The following C5orf52 variants were observed in gnomAD, a reference collection of about 807,000 sequenced individuals.
The protein encoded by C5orf52 is uncharacterized protein C5orf52.
A neutral mutation model predicts 16.8 loss-of-function variants in C5orf52; 15 were observed. The observed-to-expected ratio is 0.89, with a 90% CI of 0.60 to 1.38. C5orf52 has a LOEUF of 1.38. C5orf52 is among the 40% of genes most tolerant of loss of function. C5orf52 has a pLI of 0.00. For missense variants in C5orf52, 206 were observed against 213.1 expected (o/e 0.97, Z 0.21); for synonymous variants, 83 against 87.2 (o/e 0.95, Z 0.27).
Position 157,680,002 on chromosome 5 carries a change from T to A in C5orf52, c.*3T>A. The A allele has an allele frequency of 1.3e-6, 2 of 1,550,472 alleles. No homozygotes were observed. Among genetic ancestry groups the A allele is most frequent in the Non-Finnish European group, 8.7e-7 (1 of 1,146,646 alleles). On this transcript the variant is annotated 3_prime_UTR_variant, in exon 3 of 3. Transcript: ENST00000409999. ...TCGGGATACCACCACCAGTTTAAAC[T>A]CCAGTCTCCCAAGAAAGGCCAACCA...
Position 157,675,175 on chromosome 5 carries a change from T to A in C5orf52, c.296T>A (p.Ile99Asn). The change falls in exon 2 of 3, where the codon ATC becomes AAC. Residue 99 changes from isoleucine to asparagine, a missense_variant. Physicochemically the swap from Ile to Asn is moderately radical, Grantham distance 149. Transcript: ENST00000409999. ...LSRVIIHDNR[I>N]TQRIYEMEVS... ...CGGGTGATTATTCATGATAACCGCA[T>A]CACACAACGAATCTATGAGATGGAG... is the stretch of plus-strand genomic sequence containing the variant. 6.4e-7 allele frequency: 1 copy of A among 1,550,564 alleles called. No individual in the cohort carries two copies. The highest frequency in any genetic ancestry group is 8.7e-7 in the Non-Finnish European group (1 of 1,145,972).
chr5:157,671,337 C>T (rs903147756), upstream of C5orf52: 3 of 490,244 alleles, frequency 6.1e-6, no homozygotes, highest in Non-Finnish European at 1.1e-5. Flanking sequence ...CACCGCACCC[C>T]ACTTCTTCCA....
Position 157,675,001 on chromosome 5 carries a change from C to G in C5orf52, c.213-91C>G, listed in dbSNP as rs578020334. ...ACTTGTCCCAAGAAACCCGGGGAAG[C>G]CTCAGCCACTCCCTCAGGACCCCAT... is the stretch of plus-strand genomic sequence containing the variant. On this transcript the variant is annotated intron_variant, in intron 1 of 2. Coordinates refer to ENST00000409999, the MANE Select transcript of C5orf52 (RefSeq NM_001145132.2). 32 of 740,916 alleles carry G rather than the reference C, an allele frequency of 4.3e-5. 1 individual carries two copies. The South Asian group carries it at 5.6e-4, about 13-fold the overall frequency. The allele number at this position is 740,916 out of a possible 1,614,324, so 45.9% of individuals were successfully genotyped here. A position where few individuals can be genotyped will look rare whatever the true frequency, so the allele number is the denominator to read the frequency against.
In C5orf52 at chr5:157,671,565, C is replaced by G. The variant is rs1759790404; in HGVS notation, c.-50C>G. 6.8e-7 allele frequency: 1 copy of G among 1,480,982 alleles called. No homozygotes were observed. Among genetic ancestry groups the G allele is most frequent in the African/African-American group, 1.4e-5 (1 of 71,210 alleles). 91.7% of individuals were successfully genotyped at this position (1,480,982 alleles called of 1,614,324 possible). A position where few individuals can be genotyped will look rare whatever the true frequency, so the allele number is the denominator to read the frequency against. Reference sequence around the variant, plus strand: ...GTCAGCGCGCGCCCACCTAGGTGGGCTGGCAACCAGCCACCAGTTTCCAAC... The same window carrying G: ...GTCAGCGCGCGCCCACCTAGGTGGGGTGGCAACCAGCCACCAGTTTCCAAC... On this transcript the variant is annotated 5_prime_UTR_variant, in exon 1 of 3. Coordinates refer to ENST00000409999, the MANE Select transcript of C5orf52 (RefSeq NM_001145132.2).
intron 1 of C5orf52, among the ~76,000 whole-genome samples, chr5:157,672,868 C>A (rs1025746602): frequency 1.1e-4 from 16 of 151,912 alleles, no homozygotes; most frequent in Non-Finnish European, 2.1e-4. Flanking sequence ...GTTGGCCAGT[C>A]TGGTCTGGAA....
intron 1 of C5orf52, among the ~76,000 whole-genome samples, chr5:157,674,164 G>C (rs1395248402): frequency 6.6e-6 from 1 of 151,120 alleles, no homozygotes; most frequent in Admixed American, 6.6e-5. Context: ...TCACCTTTCA[G>C]AGTCTCCTAA....
At chr5:157,671,325 C>T (rs1265886979), upstream of C5orf52, 1 of 467,410 alleles carries the variant, frequency 2.1e-6, no homozygotes, top group Non-Finnish European at 3.8e-6. Context: ...GTCTGCTCAG[C>T]TCACCGCACC....
At chr5:157,675,326 C>G in intron 2 of C5orf52, 126 bp downstream of exon 2, 1 of 612,800 alleles carries the variant, frequency 1.6e-6, no homozygotes, top group South Asian at 2.3e-5. Flanking sequence ...TAAGGCAGGC[C>G]CCATTTTACA....
rs1049683255 is a variant in C5orf52 at position 157,671,545 on chromosome 5, C to A, written c.-70C>A. On this transcript the variant is annotated 5_prime_UTR_variant, in exon 1 of 3. Coordinates refer to ENST00000409999, the MANE Select transcript of C5orf52 (RefSeq NM_001145132.2). ...CGCCCAGGGACTCACTCCGCGTCAG[C>A]GCGCGCCCACCTAGGTGGGCTGGCA... 2.2e-6 allele frequency: 3 copies of A among 1,345,476 alleles called. No individual in the cohort carries two copies. The highest frequency in any genetic ancestry group is 2.4e-5 in the Admixed American group (1 of 41,800). The allele number at this position is 1,345,476 out of a possible 1,614,324, so 83.3% of individuals were successfully genotyped here. A position where few individuals can be genotyped will look rare whatever the true frequency, so the allele number is the denominator to read the frequency against.
upstream of C5orf52, among the ~76,000 whole-genome samples, chr5:157,670,973 C>T (rs1407607222): frequency 6.6e-6 from 1 of 152,184 alleles, no homozygotes; most frequent in Non-Finnish European, 1.5e-5. Flanking sequence ...TAGGGGTGGG[C>T]CAGGTAGGTT....
At chr5:157,674,537 G>A (rs1759860201) in intron 1 of C5orf52, among the ~76,000 whole-genome samples, 1 of 152,204 alleles carries the variant, frequency 6.6e-6, no homozygotes, top group South Asian at 2.1e-4. Flanking sequence ...GGAGGCTGAG[G>A]TGGGTGTATC....
At chr5:157,677,028 G>A (rs1035580602) in intron 2 of C5orf52, among the ~76,000 whole-genome samples, 3 of 151,746 alleles carry the variant, frequency 2.0e-5, no homozygotes, top group Non-Finnish European at 4.4e-5. Flanking sequence ...GCCATCATGC[G>A]CAGCTAATGT....
Position 157,680,029 on chromosome 5 carries a change from C to T in C5orf52, c.*30C>T, listed in dbSNP as rs1202076107. 2 of 1,544,656 alleles carry T rather than the reference C, an allele frequency of 1.3e-6. No individual in the cohort carries two copies. On this transcript the variant is annotated 3_prime_UTR_variant, in exon 3 of 3. Transcript: ENST00000409999. ...CAGTCTCCCAAGAAAGGCCAACCAC[C>T]CTAGTTCTGGCAAAGGGATCTGCCC...
At chr5:157,673,495 A>C (rs1759835560) in intron 1 of C5orf52, among the ~76,000 whole-genome samples, 1 of 152,122 alleles carries the variant, frequency 6.6e-6, no homozygotes, top group Admixed American at 6.6e-5. Flanking sequence ...TACATCACAA[A>C]AAGTTCAGTT....
At chr5:157,679,618 T>G (rs1759969434) in intron 2 of C5orf52, among the ~76,000 whole-genome samples, 1 of 152,170 alleles carries the variant, frequency 6.6e-6, no homozygotes, top group South Asian at 2.1e-4. Flanking sequence ...ATTACAGGTG[T>G]GAGCCACTGC....
At chr5:157,678,858 G>A (rs11952136) in intron 2 of C5orf52, among the ~76,000 whole-genome samples, 1,535 of 152,120 alleles carry the variant, frequency 0.01, 31 homozygotes, top group African/African-American at 0.036. Flanking sequence ...ATGTGGGCCG[G>A]GCACGGTGGT....
chr5:157,677,668 A>G (rs1196204340), intron 2 of C5orf52, among the ~76,000 whole-genome samples: 1 of 136,064 alleles, frequency 7.3e-6, no homozygotes, highest in Non-Finnish European at 1.5e-5. Flanking sequence ...AAAAAAAAAA[A>G]AGAAAAGAAA....
rs1276118528 is a variant in C5orf52 at position 157,671,716 on chromosome 5, T to A, written c.102T>A (p.Gly34=). The stretch of plus-strand genomic sequence containing the variant: ...CCACCAGTTCCAGCGCCACCTCGGG[T>A]TCGAACTACCAGCGCGATAGACTCG... ...QATTSSSATS[G]SNYQRDRLGR... is the part of the protein sequence containing the mutation. Residue 34 remains glycine (G), a synonymous_variant, in exon 1 of 3, where the codon GGT becomes GGA. Coordinates refer to ENST00000409999, the MANE Select transcript of C5orf52 (RefSeq NM_001145132.2). The A allele has an allele frequency of 5.2e-6, 8 of 1,551,184 alleles. No homozygotes were observed. In the African/African-American group the frequency reaches 1.1e-4, roughly 21 times the overall value.
At position 157,679,981 on chromosome 5, in the gene C5orf52, G is replaced by A. The variant is rs564017454; in HGVS notation, c.462G>A (p.Gly154=). ...ACAGCAACCGGTACTTAACCTTCGG[G>A]ATACCACCACCAGTTTAAACTCCAG... The part of the protein sequence containing the change: ...SVNSNRYLTF[G]IPPPV Residue 154 remains glycine, a synonymous_variant, in exon 3 of 3, where the codon GGG becomes GGA. Coordinates refer to ENST00000409999, the MANE Select transcript of C5orf52 (RefSeq NM_001145132.2). The A allele has an allele frequency of 1.9e-6, 3 of 1,551,402 alleles. No homozygotes were observed. The highest frequency in any genetic ancestry group is 2.4e-5 in the South Asian group (2 of 83,984).
Sources: gnomAD v4.1 joint callset for allele counts (sites outside exome capture counted in the v4.1 genomes callset) on GRCh38, gnomAD v4.1.1 for gene constraint, MANE v1.5 for transcripts, NCBI Gene and HGNC (gene_info 2026-07-23, HGNC 2026-07-21) for gene names.